Variants in TMEM132B observed in about 807,000 individuals in gnomAD.
TMEM132B encodes transmembrane protein 132B.
TMEM132B carries 18 observed loss-of-function variants against 90.8 expected under a neutral mutation model. That is an observed-to-expected ratio of 0.20 (90% CI 0.14 to 0.29). TMEM132B has a LOEUF of 0.29. Among genes scored for constraint, TMEM132B ranks in the 10% least tolerant of loss-of-function variants. The probability of loss-of-function intolerance (pLI) is 1.00; values close to 1 mark genes in which losing one functional copy is unlikely to be tolerated. For missense variants in TMEM132B, 1,096 were observed against 1,326.8 expected (o/e 0.83, Z 2.70); for synonymous variants, 504 against 523.3 (o/e 0.96, Z 0.50).
chr12:125,455,177 T>C (rs1019928719), intron 3 of TMEM132B, among the ~76,000 whole-genome samples: 1 of 147,198 alleles, frequency 6.8e-6, no homozygotes, highest in African/African-American at 2.5e-5. Context: ...AACAATGGGG[T>C]GGAGGAAATG....
At chr12:125,400,821 A>G (rs1381867037) in intron 2 of TMEM132B, among the ~76,000 whole-genome samples, 1 of 152,198 alleles carries the variant, frequency 6.6e-6, no homozygotes, top group Non-Finnish European at 1.5e-5. Flanking sequence ...CTTATCTCAG[A>G]AAGGGTGTTG....
At chr12:125,589,465 G>T (rs1478794559) in intron 5 of TMEM132B, among the ~76,000 whole-genome samples, 1 of 112,268 alleles carries the variant, frequency 8.9e-6, no homozygotes, top group African/African-American at 3.6e-5. Flanking sequence ...CCGGGTGACA[G>T]AGCGAGACTC....
intron 1 of TMEM132B, among the ~76,000 whole-genome samples, chr12:125,212,349 A>G (rs944080832): frequency 7.9e-5 from 12 of 152,086 alleles, no homozygotes; most frequent in Non-Finnish European, 1.6e-4. Flanking sequence ...ATTAATATAT[A>G]TATTTTTTGT....
chr12:125,563,613 C>T (rs1387425259), intron 4 of TMEM132B, among the ~76,000 whole-genome samples: 1 of 136,618 alleles, frequency 7.3e-6, no homozygotes, highest in East Asian at 2.2e-4. Flanking sequence ...AAAAACCCCA[C>T]AGTATCTGTG....
At chr12:125,599,549 G>A (rs1157389039) in intron 5 of TMEM132B, among the ~76,000 whole-genome samples, 1 of 152,132 alleles carries the variant, frequency 6.6e-6, no homozygotes, top group Non-Finnish European at 1.5e-5. Context: ...GGTGAGTGGT[G>A]TAGGGTGTGT....
rs193203157 is a variant in TMEM132B at position 125,595,277 on chromosome 12, T to C, written c.1437+11283T>C. On this transcript the variant is annotated intron_variant, in intron 5 of 8. Coordinates refer to ENST00000682704, the MANE Select transcript of TMEM132B (RefSeq NM_001366854.1). Reference sequence around the variant, plus strand: ...TGCACCTGGCATGAGTTAGGTGCTCTATGAATAGACTTGAATGTAGGCTAA... The same window carrying C: ...TGCACCTGGCATGAGTTAGGTGCTCCATGAATAGACTTGAATGTAGGCTAA... Among the ~76,000 whole-genome samples, 552 of 152,330 alleles carry C rather than the reference T, an allele frequency of 3.6e-3. 3 individuals are homozygous for C. The highest frequency in any genetic ancestry group is 0.024 in the Middle Eastern group (7 of 294).
intron 1 of TMEM132B, among the ~76,000 whole-genome samples, chr12:125,316,746 T>TG (rs1267236953): frequency 6.6e-6 from 1 of 151,908 alleles, no homozygotes; most frequent in Non-Finnish European, 1.5e-5. Context: ...AGACACAAAG[T>TG]GGGGGGCTGC....
chr12:125,264,732 G>A (rs561574242), intron 1 of TMEM132B, among the ~76,000 whole-genome samples: 1 of 150,686 alleles, frequency 6.6e-6, no homozygotes, highest in East Asian at 1.9e-4. Flanking sequence ...AATTTAAAGT[G>A]GCCTAATTTG....
intron 1 of TMEM132B, among the ~76,000 whole-genome samples, chr12:125,320,307 TG>T (rs1876395203): frequency 6.6e-6 from 1 of 152,400 alleles, no homozygotes; most frequent in African/African-American, 2.4e-5. Flanking sequence ...CTTATTCTGT[TG>T]GAGCTAATTG....
intron 1 of TMEM132B, among the ~76,000 whole-genome samples, chr12:125,323,973 G>A (rs1018942313): frequency 2.0e-5 from 3 of 151,960 alleles, no homozygotes; most frequent in Admixed American, 2.0e-4. Context: ...AGAGAGCTCC[G>A]ACCAAAAAGT....
intron 3 of TMEM132B, among the ~76,000 whole-genome samples, chr12:125,508,907 C>T (rs992784168): frequency 3.3e-5 from 5 of 151,710 alleles, no homozygotes; most frequent in African/African-American, 9.7e-5. Flanking sequence ...CCTCAGTCTC[C>T]GGAGTAGCTG....
intron 5 of TMEM132B, among the ~76,000 whole-genome samples, chr12:125,640,876 T>A (rs1308253386): frequency 6.6e-6 from 1 of 152,020 alleles, no homozygotes; most frequent in African/African-American, 2.4e-5. Flanking sequence ...AGTTATAAAA[T>A]GCCTATGAAC....
chr12:125,476,581 A>G (rs1012052975), intron 3 of TMEM132B, among the ~76,000 whole-genome samples: 11 of 152,196 alleles, frequency 7.2e-5, no homozygotes, highest in African/African-American at 2.4e-4. Context: ...GCTACTGTGA[A>G]TAGTGCTGAA....
chr12:125,221,077 C>T (rs1386251718), intron 1 of TMEM132B, among the ~76,000 whole-genome samples: 5 of 152,264 alleles, frequency 3.3e-5, no homozygotes, highest in Non-Finnish European at 7.3e-5. Flanking sequence ...AGCACCCCGC[C>T]TACAGTAGCG....
intron 1 of TMEM132B, among the ~76,000 whole-genome samples, chr12:125,307,305 T>C (rs949289486): frequency 1.3e-5 from 2 of 152,216 alleles, no homozygotes; most frequent in African/African-American, 4.8e-5. Context: ...ATGAATGGTG[T>C]AGACACTCAG....
At chr12:125,362,979 C>T (rs931091134) in intron 2 of TMEM132B, among the ~76,000 whole-genome samples, 1 of 152,100 alleles carries the variant, frequency 6.6e-6, no homozygotes, top group African/African-American at 2.4e-5. Flanking sequence ...TAGTCATTCT[C>T]CCATCAGTGG....
chr12:125,368,380 T>G (rs575032598), intron 2 of TMEM132B, among the ~76,000 whole-genome samples: 1 of 152,368 alleles, frequency 6.6e-6, no homozygotes, highest in Non-Finnish European at 1.5e-5. Context: ...ATTACATAAT[T>G]AAGGTGGTAT....
intron 2 of TMEM132B, among the ~76,000 whole-genome samples, chr12:125,403,565 T>A (rs145976067): frequency 5.9e-5 from 9 of 152,356 alleles, no homozygotes; most frequent in Middle Eastern, 3.4e-3. Flanking sequence ...TTAATGAATA[T>A]TCAAGACATA....
chr12:125,258,576 T>A (rs772112893), intron 1 of TMEM132B, among the ~76,000 whole-genome samples: 11 of 152,028 alleles, frequency 7.2e-5, no homozygotes, highest in Non-Finnish European at 1.6e-4. Flanking sequence ...CCTTTGAGGA[T>A]CCTGTCTCCA....
Sources: gnomAD v4.1 joint callset for allele counts (sites outside exome capture counted in the v4.1 genomes callset) on GRCh38, gnomAD v4.1.1 for gene constraint, MANE v1.5 for transcripts, NCBI Gene and HGNC (gene_info 2026-07-23, HGNC 2026-07-21) for gene names.